Variants in ZFAT observed in about 807,000 individuals in gnomAD.
ZFAT encodes the protein zinc finger protein ZFAT.
In ZFAT, 64 loss-of-function variants were observed where a neutral mutation model predicts 117.7. That is an observed-to-expected ratio of 0.54 (90% CI 0.44 to 0.67). The LOEUF (loss-of-function observed/expected upper bound fraction) is 0.67, where lower values mean the gene tolerates loss of function less well. Among genes scored for constraint, ZFAT ranks in the 30% least tolerant of loss-of-function variants. The probability of loss-of-function intolerance (pLI) is 0.00; values close to 1 mark genes in which losing one functional copy is unlikely to be tolerated. For missense variants in ZFAT, 1,433 were observed against 1,584.5 expected, an observed-to-expected ratio of 0.90 and a Z score of 1.62; for synonymous variants, 679 against 615.0, an observed-to-expected ratio of 1.10 and a Z score of -1.54.
intron 1 of ZFAT, among the ~76,000 whole-genome samples, chr8:134,667,479 T>G (rs1586920301): frequency 9.0e-6 from 1 of 110,822 alleles, no homozygotes; most frequent in South Asian, 3.1e-4. Context: ...GGCGACAGAG[T>G]GAGACTAAGT....
chr8:134,647,328 A>C (rs182166603), intron 2 of ZFAT, among the ~76,000 whole-genome samples: 2 of 152,340 alleles, frequency 1.3e-5, no homozygotes, highest in East Asian at 3.9e-4. Context: ...ACAACCCTTC[A>C]TGATAAAAAC....
intron 1 of ZFAT, among the ~76,000 whole-genome samples, chr8:134,686,876 T>C (rs990844360): frequency 1.3e-5 from 2 of 152,190 alleles, no homozygotes; most frequent in Non-Finnish European, 2.9e-5. Flanking sequence ...CTGAATTTCT[T>C]TATCCCTCAT....
chr8:134,681,594 T>C (rs942480360), intron 1 of ZFAT, among the ~76,000 whole-genome samples: 5 of 152,232 alleles, frequency 3.3e-5, no homozygotes, highest in African/African-American at 1.2e-4. Context: ...TAAACATCTC[T>C]TACTTCTTCT....
chr8:134,781,487 C>A, the ZFAT span, among the ~76,000 whole-genome samples: 3 of 152,034 alleles, frequency 2.0e-5, no homozygotes, highest in Non-Finnish European at 4.4e-5. Flanking sequence ...AATGTAATAC[C>A]CTTAAAGTCT....
chr8:134,600,327 T>A, intron 7 of ZFAT, 109 bp downstream of exon 7: 1 of 1,007,722 alleles, frequency 9.9e-7, no homozygotes, highest in East Asian at 2.4e-5. Context: ...AGGATCTCTC[T>A]ATGTTTTCAG....
intron 12 of ZFAT, 47 bp from the exon 13 acceptor site, chr8:134,521,048 G>C (rs1224895867): frequency 4.9e-6 from 7 of 1,416,832 alleles, no homozygotes; most frequent in Non-Finnish European, 6.9e-6. Context: ...TCGTAATACA[G>C]AAAAATGCAA....
the ZFAT span, among the ~76,000 whole-genome samples, chr8:134,731,809 T>A: frequency 6.6e-6 from 1 of 152,240 alleles, no homozygotes; most frequent in Admixed American, 6.5e-5. Context: ...AAACTGGAAC[T>A]GAAATTCAGG....
At chr8:134,677,014 C>T (rs1239653491) in intron 1 of ZFAT, among the ~76,000 whole-genome samples, 1 of 152,096 alleles carries the variant, frequency 6.6e-6, no homozygotes. Flanking sequence ...AAAATTGACA[C>T]CCTAACATCA....
chr8:134,633,988 G>T (rs1039539403), intron 3 of ZFAT, among the ~76,000 whole-genome samples: 1 of 152,292 alleles, frequency 6.6e-6, no homozygotes, highest in East Asian at 1.9e-4. Context: ...AGAGGTTGCA[G>T]TGAGCTGAGA....
intron 9 of ZFAT, among the ~76,000 whole-genome samples, chr8:134,585,708 T>C (rs1184358811): frequency 1.3e-5 from 2 of 152,214 alleles, no homozygotes; most frequent in African/African-American, 4.8e-5. Flanking sequence ...GCAGGTTAAC[T>C]AGCTGTGGAT....
At chr8:134,787,473 T>C in the ZFAT span, among the ~76,000 whole-genome samples, 2 of 152,182 alleles carry the variant, frequency 1.3e-5, no homozygotes, top group Admixed American at 6.5e-5. Context: ...TCACCACGTA[T>C]ACAGAATTCT....
chr8:134,576,851 T>C (rs1825348945), intron 10 of ZFAT, among the ~76,000 whole-genome samples: 1 of 152,208 alleles, frequency 6.6e-6, no homozygotes, highest in Admixed American at 6.5e-5. Context: ...GCCTGGATAA[T>C]TCTTTTCAAA....
chr8:134,574,238 A>G (rs1825141985), intron 10 of ZFAT, among the ~76,000 whole-genome samples: 1 of 152,158 alleles, frequency 6.6e-6, no homozygotes. Context: ...ATGGAAGCAC[A>G]AAGGCACCCA....
intron 2 of ZFAT, among the ~76,000 whole-genome samples, chr8:134,640,058 G>T (rs1436267694): frequency 6.6e-6 from 1 of 152,168 alleles, no homozygotes; most frequent in Non-Finnish European, 1.5e-5. Flanking sequence ...AGGACTCCAT[G>T]GGTGGACCAA....
intron 1 of ZFAT, among the ~76,000 whole-genome samples, chr8:134,706,797 TA>T (rs1834163369): frequency 6.6e-6 from 1 of 151,692 alleles, no homozygotes; most frequent in South Asian, 2.1e-4. Context: ...AAAAGTTCTG[TA>T]TATTGTTAGG....
chr8:134,610,791 C>G lies in ZFAT; in HGVS notation c.449-136G>C, dbSNP rs1360865235. Reference sequence around the variant, plus strand: ...TGCAGTGCCACGCAGACCACGGAATCACTGTAGGTACCACGGTGGCTCTTC... The same window carrying G: ...TGCAGTGCCACGCAGACCACGGAATGACTGTAGGTACCACGGTGGCTCTTC... On this transcript the variant is annotated intron_variant, in intron 3 of 15. Coordinates refer to ENST00000377838, the MANE Select transcript of ZFAT (RefSeq NM_020863.4). 8.3e-6 allele frequency: 8 copies of G among 959,904 alleles called. 1 individual carries two copies. The East Asian group carries it at 1.8e-4, about 21-fold the overall frequency. The allele number at this position is 959,904 out of a possible 1,614,324, so 59.5% of individuals were successfully genotyped here. A position where few individuals can be genotyped will look rare whatever the true frequency, so the allele number is the denominator to read the frequency against.
chr8:134,720,638 G>A, the ZFAT span, among the ~76,000 whole-genome samples: 1,404 of 152,340 alleles, frequency 9.2e-3, 22 homozygotes, highest in African/African-American at 0.032. Context: ...GATCCAGGGC[G>A]GGCCTGGCCG....
chr8:134,712,362 C>A (rs934352997), intron 1 of ZFAT, among the ~76,000 whole-genome samples: 1 of 152,220 alleles, frequency 6.6e-6, no homozygotes, highest in Non-Finnish European at 1.5e-5. Flanking sequence ...GGTTAAATGA[C>A]TTGCACCGGG....
chr8:134,518,253 G>GGACA (rs1586628925), intron 13 of ZFAT, among the ~76,000 whole-genome samples: 2 of 152,070 alleles, frequency 1.3e-5, no homozygotes, highest in African/African-American at 2.4e-5. Context: ...ATGTCAGTAT[G>GGACA]GACACAGTGT....
Sources: gnomAD v4.1 joint callset for allele counts (sites outside exome capture counted in the v4.1 genomes callset) on GRCh38, gnomAD v4.1.1 for gene constraint, MANE v1.5 for transcripts, NCBI Gene and HGNC (gene_info 2026-07-23, HGNC 2026-07-21) for gene names.